Variants in ICAM2 observed in about 807,000 individuals in gnomAD.
ICAM2 encodes intercellular adhesion molecule 2.
In ICAM2, 14 loss-of-function variants were observed where a neutral mutation model predicts 19.1. The observed-to-expected ratio is 0.73, with a 90% CI of 0.48 to 1.15. The LOEUF is 1.15. Among genes scored for constraint, ICAM2 ranks in the 50% most tolerant of loss-of-function variants. The probability of loss-of-function intolerance (pLI) is 0.00; values close to 1 mark genes in which losing one functional copy is unlikely to be tolerated. For synonymous variants in ICAM2, 153 were observed against 152.7 expected, an observed-to-expected ratio of 1.00 and a Z score of -0.01; for missense variants, 311 against 355.4, an observed-to-expected ratio of 0.88 and a Z score of 1.00.
At position 64,005,325 on chromosome 17, in the gene ICAM2, G is replaced by A. The variant is rs898333872; in HGVS notation, c.110C>T (p.Ala37Val). ...CTCGAGGGACCCTTTGGGCTCAACC[G>A]CCAGCTTCTTTGGCCTCACGTGTAC... ...FEVHVRPKKLAVEPKGSLEVN... is the reference protein window; with the variant it reads ...FEVHVRPKKLVVEPKGSLEVN... Residue 37 changes from alanine (A) to valine (V), a missense_variant, in exon 3 of 5, where the codon GCG (alanine) becomes GTG (valine). Ala to Val is a moderately conservative substitution (Grantham distance 64, BLOSUM62 0). Coordinates refer to ENST00000579788, the MANE Select transcript of ICAM2 (RefSeq NM_001099789.2). The A allele has an allele frequency of 8.1e-6, 13 of 1,613,868 alleles. No homozygotes were observed. Among genetic ancestry groups the A allele is most frequent in the Admixed American group, 1.7e-5 (1 of 59,980 alleles).
At chr17:64,003,310 G>A in intron 4 of ICAM2, 3 of 430,796 alleles carry the variant, frequency 7.0e-6, no homozygotes, top group Non-Finnish European at 1.3e-5. Context: ...GCCGTCCAGG[G>A]TCACCAAGCA....
At chr17:64,004,890 CT>C in intron 3 of ICAM2, 1 of 611,382 alleles carries the variant, frequency 1.6e-6, no homozygotes, top group South Asian at 1.9e-5. Context: ...CTAAGCAAGA[CT>C]CAAAATGTGG....
At chr17:64,016,136 C>T (rs1464773226) in intron 1 of ICAM2, among the ~76,000 whole-genome samples, 4 of 152,174 alleles carry the variant, frequency 2.6e-5, no homozygotes, top group African/African-American at 9.7e-5. Flanking sequence ...AGGCCAGTTT[C>T]ACTCATGACT....
At chr17:64,008,397 A>G (rs1261568976) in intron 1 of ICAM2, among the ~76,000 whole-genome samples, 1 of 152,206 alleles carries the variant, frequency 6.6e-6, no homozygotes, top group Admixed American at 6.5e-5. Flanking sequence ...TGTGTCCTCC[A>G]CTGAGTCAGA....
At chr17:64,013,304 TC>T (rs947967816) in intron 1 of ICAM2, among the ~76,000 whole-genome samples, 2 of 151,916 alleles carry the variant, frequency 1.3e-5, no homozygotes, top group African/African-American at 4.8e-5. Context: ...AGAGTCTCAC[TC>T]TGTCTCAAGA....
At chr17:64,005,062 C>A (rs754080871) in intron 3 of ICAM2, 45 bp downstream of exon 3, 3 of 1,610,286 alleles carry the variant, frequency 1.9e-6, no homozygotes, top group South Asian at 1.1e-5. Flanking sequence ...GTAGACACAG[C>A]CTCTGTCCCA....
Position 64,016,434 on chromosome 17 carries a change from T to A in ICAM2, c.-45+4089A>T, listed in dbSNP as rs566458041. Among the ~76,000 whole-genome samples, 90 of 152,330 alleles carry A rather than the reference T, an allele frequency of 5.9e-4. 1 individual carries two copies. The South Asian group carries it at 0.018, about 31-fold the overall frequency. On this transcript the variant is annotated intron_variant, in intron 1 of 4. Coordinates refer to ENST00000579788, the MANE Select transcript of ICAM2 (RefSeq NM_001099789.2). The stretch of plus-strand genomic sequence containing the variant: ...GCCCCTCCACCTACCCCCAAACTTA[T>A]ACTATGCTTCTTTTTGCTTTTCGTC...
chr17:64,005,759 GGC>G, intron 2 of ICAM2, among the ~76,000 whole-genome samples: 1 of 152,232 alleles, frequency 6.6e-6, no homozygotes, highest in Middle Eastern at 3.4e-3. Context: ...TCCCACAGAG[GGC>G]CCTCTGTAGC....
In ICAM2 at chr17:64,003,763, C is replaced by A. The variant is rs926197957; in HGVS notation, c.530G>T (p.Ser177Ile). Residue 177 changes from serine (S) to isoleucine (I), a missense_variant, in exon 4 of 5, where the codon AGC (serine) becomes ATC (isoleucine). By Grantham distance (142) the Ser-to-Ile change is moderately radical. Coordinates refer to ENST00000579788, the MANE Select transcript of ICAM2 (RefSeq NM_001099789.2). ...APQEATATFN[S>I]TADREDGHRN... is the part of the protein sequence containing the mutation. ...GTGGCCATCCTCTCTGTCAGCCGTG[C>A]TGTTGAATGTGGCTGTGGCCTCCTG... 6.2e-7 allele frequency: 1 copy of A among 1,614,246 alleles called. No homozygotes were observed. Among genetic ancestry groups the A allele is most frequent in the Non-Finnish European group, 8.5e-7 (1 of 1,180,042 alleles).
At chr17:64,008,406 GAAT>G (rs2143208010) in intron 1 of ICAM2, among the ~76,000 whole-genome samples, 1 of 152,230 alleles carries the variant, frequency 6.6e-6, no homozygotes, top group South Asian at 2.1e-4. Flanking sequence ...CACTGAGTCA[GAAT>G]AATAATAACA....
At chr17:64,018,713 CTTTTTTTTTTTTTT>C (rs67934258) in intron 1 of ICAM2, among the ~76,000 whole-genome samples, 1 of 62,914 alleles carries the variant, frequency 1.6e-5, no homozygotes, top group Non-Finnish European at 2.8e-5. Context: ...GTTTACTTCT[CTTTTTTTTTTTTTT>C]TTTTTTTTTT....
rs149377872 is a variant in ICAM2, at chr17:64,012,265, C to T, written c.-44-5530G>A. Among the ~76,000 whole-genome samples the T allele has an allele frequency of 4.1e-4, 63 of 152,152 alleles. 1 individual carries two copies. Among genetic ancestry groups the T allele is most frequent in the South Asian group, 8.3e-4 (4 of 4,806 alleles). On this transcript the variant is annotated intron_variant, in intron 1 of 4. Transcript: ENST00000579788. ...ATTGATTGAACCCAGGAGTTTGAAA[C>T]CAGCCTGGACAACATAGTGAGACCC...
chr17:64,003,887 C>A lies in ICAM2; in HGVS notation c.406G>T (p.Val136Leu). Residue 136 changes from valine (V) to leucine (L), a missense_variant, in exon 4 of 5, where the codon GTG becomes TTG. Physicochemically the swap from Val to Leu is conservative, Grantham distance 32 (BLOSUM62 1). Coordinates refer to ENST00000579788, the MANE Select transcript of ICAM2 (RefSeq NM_001099789.2). ...VGKSFTIECR[V>L]PTVEPLDSLT... Reference sequence around the variant, plus strand: ...CTGTCCAGGGGCTCCACGGTGGGCACCCTGCACTCAATGGTGAAGGACTTG... The same window carrying A: ...CTGTCCAGGGGCTCCACGGTGGGCAACCTGCACTCAATGGTGAAGGACTTG... The A allele has an allele frequency of 6.2e-7, 1 of 1,614,184 alleles. No homozygotes were observed. Among genetic ancestry groups the A allele is most frequent in the Non-Finnish European group, 8.5e-7 (1 of 1,180,008 alleles).
At position 64,006,755 on chromosome 17, in the gene ICAM2, G is replaced by T. The variant is rs1373512337; in HGVS notation, c.-44-20C>A. On this transcript the variant is annotated intron_variant, in intron 1 of 4. Transcript: ENST00000579788. ...GGCTGCCTGGAGGGAGATGGTGGGC[G>T]CAGGTCTGAGCTATGGCCCAGAATC... 45 of 1,433,670 alleles carry T rather than the reference G, an allele frequency of 3.1e-5. No individual in the cohort carries two copies. Among genetic ancestry groups the T allele is most frequent in the South Asian group, 8.1e-5 (7 of 86,492 alleles). 88.8% of individuals were successfully genotyped at this position (1,433,670 alleles called of 1,614,324 possible). A position where few individuals can be genotyped will look rare whatever the true frequency, so the allele number is the denominator to read the frequency against.
At chr17:64,011,598 A>G (rs1229555291) in intron 1 of ICAM2, among the ~76,000 whole-genome samples, 1 of 152,186 alleles carries the variant, frequency 6.6e-6, no homozygotes, top group African/African-American at 2.4e-5. Context: ...CAAAAAGACA[A>G]GAGATAAGTG....
At position 64,005,128 on chromosome 17, in the gene ICAM2, T is replaced by A; in HGVS notation, c.307A>T (p.Asn103Tyr). The change falls in exon 3 of 5, where the codon AAT becomes TAT. Residue 103 changes from asparagine to tyrosine, a missense_variant. Transcript: ENST00000579788. Reference protein sequence around the residue: ...FTCSGKQESMNSNVSVYQPPR... With the variant: ...FTCSGKQESMYSNVSVYQPPR... ...TCACGGTACACGCTGACGTTGGAAT[T>A]CATTGACTCCTGCTTCCCGGAGCAG... 1 of 1,614,100 alleles carries A rather than the reference T, an allele frequency of 6.2e-7. No homozygotes were observed. The highest frequency in any genetic ancestry group is 8.5e-7 in the Non-Finnish European group (1 of 1,180,016).
At chr17:64,011,140 A>G (rs1157704532) in intron 1 of ICAM2, among the ~76,000 whole-genome samples, 1 of 152,202 alleles carries the variant, frequency 6.6e-6, no homozygotes, top group Non-Finnish European at 1.5e-5. Flanking sequence ...AAATGGGCAA[A>G]GGACCTGAGC....
intron 1 of ICAM2, among the ~76,000 whole-genome samples, chr17:64,014,276 C>T (rs1159174343): frequency 7.1e-6 from 1 of 140,906 alleles, no homozygotes; most frequent in Non-Finnish European, 1.5e-5. Context: ...GAATTTGAGA[C>T]AGGCCTGGGC....
chr17:64,003,507 G>A, intron 4 of ICAM2, 137 bp downstream of exon 4: 1 of 777,296 alleles, frequency 1.3e-6, no homozygotes, highest in Admixed American at 2.6e-5. Context: ...AGGGAAGAGG[G>A]AGAGTAAGAG....
Sources: allele counts gnomAD v4.1 joint callset (sites outside exome capture counted in the v4.1 genomes callset), GRCh38; gene constraint gnomAD v4.1.1; transcripts MANE v1.5; gene names NCBI Gene and HGNC (gene_info 2026-07-23, HGNC 2026-07-21).